Variants in LVRN observed in about 807,000 individuals in gnomAD.
LVRN encodes laeverin.
A neutral mutation model predicts 111.4 loss-of-function variants in LVRN; 99 were observed. That is an observed-to-expected ratio of 0.89 (90% confidence interval 0.76 to 1.05). LVRN has a LOEUF of 1.05. LVRN is among the 50% of genes least tolerant of loss of function. The probability of loss-of-function intolerance (pLI) is 0.00; values close to 1 mark genes in which losing one functional copy is unlikely to be tolerated. For missense variants in LVRN, 1,414 were observed against 1,206.8 expected (o/e 1.17, Z -2.54); for synonymous variants, 488 against 449.5 (o/e 1.09, Z -1.08).
rs369576202 is a variant in LVRN, at chr5:116,026,151, A to G, written c.*33A>G. On this transcript the variant is annotated 3_prime_UTR_variant, in exon 20 of 20. Coordinates refer to ENST00000357872, the MANE Select transcript of LVRN (RefSeq NM_173800.5). ...CTATCTTTCAGCACTCCTCTTGCAT[A>G]TTATAATGTAGTTTGTTCACAGTTT... is the stretch of plus-strand genomic sequence containing the variant. 1.1e-5 allele frequency: 18 copies of G among 1,612,266 alleles called. No homozygotes were observed. The African/African-American group carries it at 1.6e-4, about 14-fold the overall frequency.
rs997558414 is a variant in LVRN at position 116,017,474 on chromosome 5, C to G, written c.2756+1709C>G. 4.6e-5 allele frequency among the ~76,000 whole-genome samples: 7 copies of G among 152,284 alleles called. No homozygotes were observed. The East Asian group carries it at 9.7e-4, about 21-fold the overall frequency. ...GATAGACTTAACTAGAGCAGTGTAG[C>G]AAAGTGGAGGTTTCTTCCTCTAAGA... On this transcript the variant is annotated intron_variant, in intron 18 of 19. Transcript: ENST00000357872.
intron 3 of LVRN, among the ~76,000 whole-genome samples, chr5:115,985,842 C>T (rs1038499478): frequency 1.3e-5 from 2 of 152,168 alleles, no homozygotes; most frequent in Admixed American, 6.5e-5. Flanking sequence ...GCCTTAGGCC[C>T]AGTTCTTTCT....
rs1748864920 is a variant in LVRN, at chr5:116,026,236, T to C, written c.*118T>C. Reference sequence around the variant, plus strand: ...ACATTTTATTTGTATTTCAGTCACATTTATTACTCAGAGTGCCATTCTTCT... The same window carrying C: ...ACATTTTATTTGTATTTCAGTCACACTTATTACTCAGAGTGCCATTCTTCT... On this transcript the variant is annotated 3_prime_UTR_variant, in exon 20 of 20. Coordinates refer to ENST00000357872, the MANE Select transcript of LVRN (RefSeq NM_173800.5). 1.4e-6 allele frequency: 2 copies of C among 1,424,254 alleles called. No homozygotes were observed. The highest frequency in any genetic ancestry group is 2.9e-5 in the African/African-American group (2 of 69,370). The allele number at this position is 1,424,254 out of a possible 1,614,324, so 88.2% of individuals were successfully genotyped here. A position where few individuals can be genotyped will look rare whatever the true frequency, so the allele number is the denominator to read the frequency against.
intron 1 of LVRN, among the ~76,000 whole-genome samples, chr5:115,971,219 T>C (rs1753317963): frequency 6.6e-6 from 1 of 152,232 alleles, no homozygotes; most frequent in Non-Finnish European, 1.5e-5. Flanking sequence ...TTTCCTATTG[T>C]TGAATTTAGA....
intron 1 of LVRN, among the ~76,000 whole-genome samples, chr5:115,973,504 T>C (rs1488083219): frequency 1.3e-5 from 2 of 152,228 alleles, no homozygotes; most frequent in Non-Finnish European, 2.9e-5. Context: ...AACCGTCTGA[T>C]TGAATTTCAC....
In LVRN at chr5:115,962,993, C is replaced by T. The variant is rs1343353300; in HGVS notation, c.376C>T (p.Pro126Ser). The change falls in exon 1 of 20, where the codon CCC becomes TCC. Residue 126 changes from proline to serine, a missense_variant. Physicochemically the swap from Pro to Ser is moderately conservative, Grantham distance 74. Coordinates refer to ENST00000357872, the MANE Select transcript of LVRN (RefSeq NM_173800.5). ...CGACGAGCTTCCGGCCGGGTCTTTG[C>T]CCTTCACTGGCCGCGTGAACATCAC... ...RPDELPAGSL[P>S]FTGRVNITVR... 8.7e-6 allele frequency: 14 copies of T among 1,613,464 alleles called. No homozygotes were observed. The highest frequency in any genetic ancestry group is 1.2e-5 in the Non-Finnish European group (14 of 1,179,926).
intron 18 of LVRN, among the ~76,000 whole-genome samples, 162 bp downstream of exon 18, chr5:116,015,927 A>G (rs1748595332): frequency 6.6e-6 from 1 of 152,212 alleles, no homozygotes; most frequent in East Asian, 1.9e-4. Flanking sequence ...TAGTCTCACT[A>G]CAAACTGCCT....
chr5:115,972,240 A>C (rs1753343670), intron 1 of LVRN, among the ~76,000 whole-genome samples: 1 of 152,118 alleles, frequency 6.6e-6, no homozygotes, highest in Admixed American at 6.5e-5. Context: ...TACAAAGACA[A>C]GCCACAACTG....
At chr5:115,994,094 A>T (rs536202042) in intron 6 of LVRN, among the ~76,000 whole-genome samples, 2 of 151,854 alleles carry the variant, frequency 1.3e-5, no homozygotes, top group South Asian at 4.2e-4. Flanking sequence ...TTTACTTCAT[A>T]TTCAACTTCA....
At chr5:115,998,605 T>C (rs567310162) in intron 6 of LVRN, among the ~76,000 whole-genome samples, 19 of 152,272 alleles carry the variant, frequency 1.2e-4, no homozygotes, top group African/African-American at 4.1e-4. Context: ...GCTAATAAAA[T>C]CCATGCTTAC....
intron 3 of LVRN, among the ~76,000 whole-genome samples, chr5:115,985,477 GAAC>G (rs1164154059): frequency 6.6e-6 from 1 of 152,134 alleles, no homozygotes; most frequent in Admixed American, 6.6e-5. Flanking sequence ...ATGATTTCCA[GAAC>G]AACAAGGGTG....
intron 6 of LVRN, among the ~76,000 whole-genome samples, chr5:115,995,752 CTGT>C (rs1748094731): frequency 6.6e-6 from 1 of 152,188 alleles, no homozygotes; most frequent in Non-Finnish European, 1.5e-5. Context: ...CATATGAGTG[CTGT>C]TGTTATTTCT....
chr5:116,013,466 C>G (rs990586157), intron 15 of LVRN, among the ~76,000 whole-genome samples: 1 of 152,152 alleles, frequency 6.6e-6, no homozygotes, highest in Non-Finnish European at 1.5e-5. Context: ...ATCCCAGGGA[C>G]AGTTCTCTTC....
At chr5:115,983,461 T>C in intron 2 of LVRN, 32 bp downstream of exon 2, 1 of 1,563,258 alleles carries the variant, frequency 6.4e-7, no homozygotes, top group Non-Finnish European at 8.6e-7. Context: ...TATCTAGCTG[T>C]CTATCTATAT....
intron 1 of LVRN, among the ~76,000 whole-genome samples, chr5:115,969,908 T>C (rs953345511): frequency 1.3e-5 from 2 of 152,134 alleles, no homozygotes; most frequent in African/African-American, 4.8e-5. Context: ...CTTGAGCATA[T>C]TAGACATATT....
In LVRN at chr5:116,026,087, G is replaced by A; in HGVS notation, c.2942G>A (p.Arg981Lys). The A allele has an allele frequency of 6.2e-7, 1 of 1,613,870 alleles. No homozygotes were observed. Among genetic ancestry groups the A allele is most frequent in the Non-Finnish European group, 8.5e-7 (1 of 1,179,832 alleles). The change falls in exon 20 of 20, where the codon AGG (arginine) becomes AAG (lysine). Residue 981 changes from arginine (R) to lysine (K), a missense_variant. Physicochemically the swap from Arg to Lys is conservative, Grantham distance 26. Coordinates refer to ENST00000357872, the MANE Select transcript of LVRN (RefSeq NM_173800.5). The stretch of plus-strand genomic sequence containing the variant: ...CTGAAAAACAAGAAGCTAAGTGCCA[G>A]GATAGCTGCGTGGCTAAGGAGAAAC... ...ENLKNKKLSARIAAWLRRNT is the reference protein window; with the variant it reads ...ENLKNKKLSAKIAAWLRRNT
chr5:116,011,322 TA>T, intron 14 of LVRN, among the ~76,000 whole-genome samples: 1 of 152,084 alleles, frequency 6.6e-6, no homozygotes, highest in South Asian at 2.1e-4. Flanking sequence ...GAACAGCACT[TA>T]AATCCAGAGA....
At chr5:116,016,988 A>T (rs1748615340) in intron 18 of LVRN, among the ~76,000 whole-genome samples, 1 of 152,210 alleles carries the variant, frequency 6.6e-6, no homozygotes, top group Non-Finnish European at 1.5e-5. Context: ...ATCAAGGTGC[A>T]GTTCAAATTG....
Position 116,001,376 on chromosome 5 carries a change from A to G in LVRN, c.1820+137A>G, listed in dbSNP as rs1306714077. Reference sequence around the variant, plus strand: ...TGCAATGTGACTGTGTACTAGGGTGAAGCAGAGCCCTTGTGTCCGGGCAAC... The same window carrying G: ...TGCAATGTGACTGTGTACTAGGGTGGAGCAGAGCCCTTGTGTCCGGGCAAC... On this transcript the variant is annotated intron_variant, in intron 10 of 19. Transcript: ENST00000357872. 4 of 1,021,230 alleles carry G rather than the reference A, an allele frequency of 3.9e-6. No individual in the cohort carries two copies. In the South Asian group the frequency reaches 4.6e-5, roughly 12 times the overall value. 63.3% of individuals were successfully genotyped at this position (1,021,230 alleles called of 1,614,324 possible).
Sources: gnomAD v4.1 joint callset for allele counts (sites outside exome capture counted in the v4.1 genomes callset) on GRCh38, gnomAD v4.1.1 for gene constraint, MANE v1.5 for transcripts, NCBI Gene and HGNC (gene_info 2026-07-23, HGNC 2026-07-21) for gene names.